The following FAF1 variants were observed in gnomAD, a reference collection of about 807,000 sequenced individuals.
FAF1 encodes Fas associated factor 1, also known as FAS-associated factor 1.
In FAF1, 25 loss-of-function variants were observed where a neutral mutation model predicts 92.5. The observed-to-expected ratio is 0.27, with a 90% CI of 0.20 to 0.38. The LOEUF (loss-of-function observed/expected upper bound fraction) is 0.38, where lower values mean the gene tolerates loss of function less well. Among genes scored for constraint, FAF1 ranks in the 10% least tolerant of loss-of-function variants. The pLI, the probability that FAF1 is intolerant of heterozygous loss-of-function variation, is 1.00. For missense variants in FAF1, 636 were observed against 793.3 expected (o/e 0.80, Z 2.38); for synonymous variants, 234 against 273.2 (o/e 0.86, Z 1.42).
At chr1:50,840,299 C>T (rs1052703709) in intron 2 of FAF1, among the ~76,000 whole-genome samples, 3 of 151,850 alleles carry the variant, frequency 2.0e-5, no homozygotes, top group Admixed American at 6.5e-5. Flanking sequence ...AAAGACCCCA[C>T]TAAGAAAATG....
intron 12 of FAF1, among the ~76,000 whole-genome samples, chr1:50,570,357 T>C (rs1650376577): frequency 6.6e-6 from 1 of 152,242 alleles, no homozygotes; most frequent in Non-Finnish European, 1.5e-5. Context: ...GACCTCTCTC[T>C]AAACCCTTAA....
chr1:50,916,978 G>A (rs1023826080), intron 1 of FAF1, among the ~76,000 whole-genome samples: 36 of 152,156 alleles, frequency 2.4e-4, no homozygotes, highest in Non-Finnish European at 4.1e-4. Context: ...ATGAGAGAAA[G>A]TTTCTGCCAG....
At chr1:50,471,041 T>A (rs1053493545) in intron 18 of FAF1, 1 of 152,272 alleles carries the variant, frequency 6.6e-6, no homozygotes, top group Non-Finnish European at 1.5e-5. Context: ...ACAATTTTTT[T>A]AAAATTTCTG....
At chr1:50,467,467 C>A (rs1646511913) in intron 18 of FAF1, among the ~76,000 whole-genome samples, 1 of 152,094 alleles carries the variant, frequency 6.6e-6, no homozygotes, top group African/African-American at 2.4e-5. Context: ...GCATGTGCCA[C>A]CATGCCTGGC....
intron 1 of FAF1, among the ~76,000 whole-genome samples, chr1:50,921,011 T>C (rs1185215054): frequency 1.3e-5 from 2 of 152,302 alleles, no homozygotes; most frequent in African/African-American, 2.4e-5. Flanking sequence ...TGATTATATA[T>C]AGAAAACCCT....
At chr1:50,708,235 G>C (rs1657771416) in intron 6 of FAF1, among the ~76,000 whole-genome samples, 1 of 152,304 alleles carries the variant, frequency 6.6e-6, no homozygotes, top group South Asian at 2.1e-4. Flanking sequence ...ACAGGAGGCT[G>C]GTTCAGGAAA....
chr1:50,959,985 G>T lies in FAF1; in HGVS notation c.-174C>A, dbSNP rs558282587. 60 of 394,160 alleles carry T rather than the reference G, an allele frequency of 1.5e-4. No homozygotes were observed. In the South Asian group the frequency reaches 5.2e-3, roughly 34 times the overall value. 24.4% of individuals were successfully genotyped at this position (394,160 alleles called of 1,614,324 possible). A position where few individuals can be genotyped will look rare whatever the true frequency, so the allele number is the denominator to read the frequency against. On this transcript the variant is annotated 5_prime_UTR_variant, in exon 1 of 19. Transcript: ENST00000396153. ...GGGCGGGGCAGCGCGGGAAGCGCTAGGCGCTCATGCACTCGGTAACCTTCA... is the reference window on the plus strand; with the variant it reads ...GGGCGGGGCAGCGCGGGAAGCGCTATGCGCTCATGCACTCGGTAACCTTCA...
At chr1:50,780,608 A>G in intron 4 of FAF1, 1 of 199,960 alleles carries the variant, frequency 5.0e-6, no homozygotes, top group Non-Finnish European at 1.0e-5. Context: ...TGTCAGTGTA[A>G]CTGCACATCC....
chr1:50,601,397 G>C (rs1244322919), intron 8 of FAF1, among the ~76,000 whole-genome samples: 1 of 152,080 alleles, frequency 6.6e-6, no homozygotes, highest in Non-Finnish European at 1.5e-5. Flanking sequence ...TAGTAGGCTG[G>C]GCGTGGTGGC....
rs1557584635 is a variant in FAF1, at chr1:50,907,901, T to C, written c.46-49904A>G. ...TTCTGCTCTGATCTTAGTTATTTCTTGCCTTCTGCTAGCTTTTGAATGTGT... is the reference window on the plus strand; with the variant it reads ...TTCTGCTCTGATCTTAGTTATTTCTCGCCTTCTGCTAGCTTTTGAATGTGT... On this transcript the variant is annotated intron_variant, in intron 1 of 18. Coordinates refer to ENST00000396153, the MANE Select transcript of FAF1 (RefSeq NM_007051.3). 2.6e-5 allele frequency among the ~76,000 whole-genome samples: 4 copies of C among 152,294 alleles called. No homozygotes were observed. In the South Asian group the frequency reaches 8.3e-4, roughly 32 times the overall value.
At chr1:50,592,556 GA>G (rs1470557738) in intron 9 of FAF1, among the ~76,000 whole-genome samples, 1 of 152,152 alleles carries the variant, frequency 6.6e-6, no homozygotes, top group Non-Finnish European at 1.5e-5. Flanking sequence ...CCAGCTAAAG[GA>G]AATATAACTA....
At chr1:50,892,630 T>C (rs1369195651) in intron 1 of FAF1, among the ~76,000 whole-genome samples, 2 of 152,240 alleles carry the variant, frequency 1.3e-5, no homozygotes, top group African/African-American at 4.8e-5. Flanking sequence ...TTATCTTTGA[T>C]CTCTGGGAGT....
intron 2 of FAF1, among the ~76,000 whole-genome samples, chr1:50,851,231 C>A (rs939370203): frequency 6.6e-6 from 1 of 152,092 alleles, no homozygotes; most frequent in South Asian, 2.1e-4. Flanking sequence ...CAGGCATGCG[C>A]CACCAAGCGG....
intron 3 of FAF1, among the ~76,000 whole-genome samples, chr1:50,789,714 T>C (rs1328232559): frequency 4.0e-5 from 6 of 151,346 alleles, no homozygotes; most frequent in African/African-American, 1.5e-4. Context: ...GACACAAATG[T>C]CTTCATATCA....
intron 13 of FAF1, among the ~76,000 whole-genome samples, chr1:50,553,274 T>C (rs1266030155): frequency 6.6e-6 from 1 of 152,092 alleles, no homozygotes. Flanking sequence ...TGAGGCAATA[T>C]AGTTTCTATT....
intron 3 of FAF1, among the ~76,000 whole-genome samples, chr1:50,800,453 T>A (rs1373294176): frequency 6.6e-6 from 1 of 152,126 alleles, no homozygotes; most frequent in Non-Finnish European, 1.5e-5. Context: ...AGACAAGGGC[T>A]TCGATAGAAT....
chr1:50,946,647 C>T (rs567016198), intron 1 of FAF1, among the ~76,000 whole-genome samples: 5 of 152,298 alleles, frequency 3.3e-5, no homozygotes, highest in Non-Finnish European at 4.4e-5. Flanking sequence ...CTGCCAGTTT[C>T]GTGGATGCTG....
chr1:50,643,515 A>C (rs1654441797), intron 8 of FAF1, among the ~76,000 whole-genome samples: 1 of 152,162 alleles, frequency 6.6e-6, no homozygotes, highest in South Asian at 2.1e-4. Flanking sequence ...GCTGTTATTT[A>C]TCCCATCCAG....
At chr1:50,574,896 CTCT>C (rs1650640840) in intron 12 of FAF1, among the ~76,000 whole-genome samples, 14 of 122,886 alleles carry the variant, frequency 1.1e-4, no homozygotes, top group African/African-American at 4.2e-4. Flanking sequence ...GTTGTATTAA[CTCT>C]TTTTTTTTTT....
Sources: allele counts gnomAD v4.1 joint callset (sites outside exome capture counted in the v4.1 genomes callset), GRCh38; gene constraint gnomAD v4.1.1; transcripts MANE v1.5; gene names NCBI Gene and HGNC (gene_info 2026-07-23, HGNC 2026-07-21).